TUSC3: variants seen among roughly 807,000 people sequenced by gnomAD.
TUSC3 encodes tumor suppressor candidate 3, also known as dolichyl-diphosphooligosaccharide--protein glycosyltransferase subunit TUSC3.
Under a neutral mutation model 44.8 loss-of-function variants are expected in TUSC3, and 45 were observed. The observed-to-expected ratio is 1.00, with a 90% CI of 0.79 to 1.29. The LOEUF (loss-of-function observed/expected upper bound fraction) is 1.29. TUSC3 is among the 50% of genes most tolerant of loss of function. The probability of loss-of-function intolerance (pLI) is 0.00; values close to 1 mark genes in which losing one functional copy is unlikely to be tolerated. For synonymous variants in TUSC3, 212 were observed against 152.9 expected, an observed-to-expected ratio of 1.39 and a Z score of -2.85; for missense variants, 519 against 437.9, an observed-to-expected ratio of 1.19 and a Z score of -1.65.
chr8:15,491,059 C>T (rs1226071630), intron 2 of TUSC3, among the ~76,000 whole-genome samples: 1 of 152,186 alleles, frequency 6.6e-6, no homozygotes, highest in Non-Finnish European at 1.5e-5. Flanking sequence ...ACACATTTTA[C>T]ATATGAGAAG....
intron 1 of TUSC3, among the ~76,000 whole-genome samples, chr8:15,458,317 C>T (rs566888809): frequency 3.9e-5 from 6 of 152,272 alleles, no homozygotes; most frequent in Admixed American, 1.3e-4. Context: ...CAGCTCACTG[C>T]ACCCTCGACC....
chr8:15,586,031 G>A (rs1205304371), intron 1 of TUSC3, among the ~76,000 whole-genome samples: 1 of 152,152 alleles, frequency 6.6e-6, no homozygotes, highest in East Asian at 1.9e-4. Flanking sequence ...TAGTCAGGGA[G>A]TTATGAGGGG....
chr8:15,683,272 C>T (rs3940343), intron 6 of TUSC3, among the ~76,000 whole-genome samples: 32,206 of 152,078 alleles, frequency 0.21, 4,275 homozygotes, highest in Non-Finnish European at 0.3. Context: ...CTCTTAAGAA[C>T]GCACAATGAA....
At chr8:15,677,225 C>A (rs1035369156) in intron 6 of TUSC3, among the ~76,000 whole-genome samples, 1 of 152,092 alleles carries the variant, frequency 6.6e-6, no homozygotes, top group African/African-American at 2.4e-5. Context: ...GTCTTGAACT[C>A]CTGGACTCAA....
At chr8:15,751,469 C>A (rs181283310) in intron 9 of TUSC3, among the ~76,000 whole-genome samples, 1 of 152,104 alleles carries the variant, frequency 6.6e-6, no homozygotes, top group African/African-American at 2.4e-5. Context: ...CCTATATATA[C>A]TACCGGTTCT....
At chr8:15,821,151 TATG>T in the TUSC3 span, among the ~76,000 whole-genome samples, 1 of 152,164 alleles carries the variant, frequency 6.6e-6, no homozygotes, top group South Asian at 2.1e-4. Flanking sequence ...GAAAAATGTT[TATG>T]ATGTATATAT....
chr8:15,752,176 T>TTG (rs1285863197), intron 9 of TUSC3, among the ~76,000 whole-genome samples: 1 of 152,030 alleles, frequency 6.6e-6, no homozygotes, highest in African/African-American at 2.4e-5. Flanking sequence ...AGAAGAAGGC[T>TTG]TGAATTAGGC....
intron 2 of TUSC3, among the ~76,000 whole-genome samples, chr8:15,643,571 AT>A (rs1806484331): frequency 6.6e-6 from 1 of 152,208 alleles, no homozygotes; most frequent in Non-Finnish European, 1.5e-5. Flanking sequence ...CCAAGGAAAG[AT>A]CTACTTAGGT....
intron 2 of TUSC3, among the ~76,000 whole-genome samples, chr8:15,504,919 C>T (rs192427015): frequency 5.9e-4 from 90 of 151,702 alleles, no homozygotes; most frequent in African/African-American, 2.1e-3. Context: ...CCCAAAGTGC[C>T]GGGATTACAG....
intron 2 of TUSC3, among the ~76,000 whole-genome samples, chr8:15,532,862 C>T (rs555259481): frequency 2.0e-4 from 30 of 152,216 alleles, no homozygotes; most frequent in East Asian, 1.9e-3. Context: ...GCACGATCTC[C>T]GCTCACTGCA....
At chr8:15,763,190 C>T (rs1812224471) in intron 10 of TUSC3, among the ~76,000 whole-genome samples, 1 of 151,502 alleles carries the variant, frequency 6.6e-6, no homozygotes, top group Admixed American at 6.6e-5. Context: ...CATATTTATT[C>T]TTGCACATAG....
the TUSC3 span, among the ~76,000 whole-genome samples, chr8:15,813,993 T>C: frequency 3.9e-5 from 6 of 152,198 alleles, no homozygotes; most frequent in Non-Finnish European, 7.3e-5. Flanking sequence ...TCTACCTCAC[T>C]GGGTAATTGT....
intron 6 of TUSC3, among the ~76,000 whole-genome samples, chr8:15,727,310 G>T (rs1810535236): frequency 6.6e-6 from 1 of 152,016 alleles, no homozygotes; most frequent in Non-Finnish European, 1.5e-5. Flanking sequence ...GTATTCTTGT[G>T]CTTACTCTTA....
At chr8:15,424,408 T>G (rs539909204) in intron 1 of TUSC3, among the ~76,000 whole-genome samples, 60 of 152,206 alleles carry the variant, frequency 3.9e-4, no homozygotes, top group African/African-American at 1.3e-3. Context: ...ATCTGGACTA[T>G]GTCTAGAGGG....
At chr8:15,457,928 T>A (rs1800282759) in intron 1 of TUSC3, among the ~76,000 whole-genome samples, 1 of 150,648 alleles carries the variant, frequency 6.6e-6, no homozygotes, top group South Asian at 2.1e-4. Flanking sequence ...TAATTAGTAC[T>A]CCAATGATGA....
intron 1 of TUSC3, among the ~76,000 whole-genome samples, chr8:15,578,046 A>G (rs1034155844): frequency 6.7e-6 from 1 of 150,220 alleles, no homozygotes; most frequent in African/African-American, 2.4e-5. Flanking sequence ...TGTAAGTTGG[A>G]TTCCTAGGTA....
intron 2 of TUSC3, among the ~76,000 whole-genome samples, chr8:15,639,708 T>C (rs1563148344): frequency 6.6e-6 from 1 of 152,124 alleles, no homozygotes; most frequent in South Asian, 2.1e-4. Context: ...ATTTAACATA[T>C]TAAATGAGAT....
intron 1 of TUSC3, among the ~76,000 whole-genome samples, chr8:15,551,238 C>A (rs1301999887): frequency 6.6e-6 from 1 of 151,462 alleles, no homozygotes; most frequent in African/African-American, 2.4e-5. Context: ...TTATTAGGTT[C>A]TAAAAATGCC....
downstream of TUSC3, among the ~76,000 whole-genome samples, chr8:15,770,400 G>A (rs1214702119): frequency 6.6e-6 from 1 of 152,134 alleles, no homozygotes; most frequent in East Asian, 1.9e-4. Context: ...ACACACCGAG[G>A]CCTGTCAGGG....
Sources: gnomAD v4.1 joint callset for allele counts (sites outside exome capture counted in the v4.1 genomes callset) on GRCh38, gnomAD v4.1.1 for gene constraint, MANE v1.5 for transcripts, NCBI Gene and HGNC (gene_info 2026-07-23, HGNC 2026-07-21) for gene names.